Variants in RARB observed in about 807,000 individuals in gnomAD.
RARB encodes the protein HBV-activated protein.
A neutral mutation model predicts 51.9 loss-of-function variants in RARB; 17 were observed. The observed-to-expected ratio is 0.33, with a 90% CI of 0.22 to 0.49. RARB has a LOEUF of 0.49. RARB is among the 20% of genes least tolerant of loss of function. RARB has a pLI of 0.99. For missense variants in RARB, 369 were observed against 550.8 expected (o/e 0.67, Z 3.30); for synonymous variants, 215 against 195.4 (o/e 1.10, Z -0.84).
intron 3 of RARB, among the ~76,000 whole-genome samples, chr3:25,121,082 G>T (rs928274628): frequency 1.3e-5 from 2 of 152,162 alleles, no homozygotes; most frequent in African/African-American, 4.8e-5. Flanking sequence ...TCACATGCAT[G>T]TGTATAAAGT....
At chr3:25,237,098 G>A (rs911471445) in intron 5 of RARB, among the ~76,000 whole-genome samples, 1 of 150,442 alleles carries the variant, frequency 6.6e-6, no homozygotes, top group African/African-American at 2.5e-5. Context: ...ATTTAATAAA[G>A]GTCTCCTTTT....
intron 5 of RARB, among the ~76,000 whole-genome samples, chr3:25,386,884 T>G (rs752840456): frequency 2.6e-5 from 4 of 152,196 alleles, no homozygotes; most frequent in Non-Finnish European, 5.9e-5. Context: ...TGATTCTCAT[T>G]TACTTACCTA....
At chr3:25,372,768 G>A (rs1208345961) in intron 5 of RARB, among the ~76,000 whole-genome samples, 1 of 152,226 alleles carries the variant, frequency 6.6e-6, no homozygotes, top group Non-Finnish European at 1.5e-5. Flanking sequence ...TGAGGTTGCA[G>A]TGAGCTGTGA....
intron 5 of RARB, among the ~76,000 whole-genome samples, chr3:25,338,585 C>G (rs986296834): frequency 6.6e-6 from 1 of 152,184 alleles, no homozygotes; most frequent in African/African-American, 2.4e-5. Context: ...AGGAACCTCC[C>G]TTTTAACCAT....
At chr3:25,271,502 C>A (rs758775396) in intron 5 of RARB, among the ~76,000 whole-genome samples, 1 of 152,142 alleles carries the variant, frequency 6.6e-6, no homozygotes, top group Non-Finnish European at 1.5e-5. Flanking sequence ...GTGCTTTCTG[C>A]GTTTCTGGGA....
At chr3:25,573,877 G>T (rs1700812086) in intron 4 of RARB, among the ~76,000 whole-genome samples, 1 of 152,120 alleles carries the variant, frequency 6.6e-6, no homozygotes, top group East Asian at 1.9e-4. Flanking sequence ...GGGTGGATTT[G>T]GGACAAATGG....
At chr3:24,869,324 G>C (rs1341415017) in intron 2 of RARB, among the ~76,000 whole-genome samples, 1 of 152,090 alleles carries the variant, frequency 6.6e-6, no homozygotes, top group Non-Finnish European at 1.5e-5. Context: ...TTTAAAGGAA[G>C]TACAATCAGC....
chr3:25,594,117 T>G (rs1701720917), intron 6 of RARB, among the ~76,000 whole-genome samples: 1 of 152,188 alleles, frequency 6.6e-6, no homozygotes, highest in Non-Finnish European at 1.5e-5. Flanking sequence ...AATTTAGCTT[T>G]CTTCTTTGTA....
At chr3:25,362,061 C>G (rs1366376211) in intron 5 of RARB, among the ~76,000 whole-genome samples, 1 of 152,178 alleles carries the variant, frequency 6.6e-6, no homozygotes, top group African/African-American at 2.4e-5. Flanking sequence ...ATGTTTAAGT[C>G]TGCTGAAGCT....
chr3:24,977,566 T>A (rs1388420572), intron 2 of RARB, among the ~76,000 whole-genome samples: 1 of 152,246 alleles, frequency 6.6e-6, no homozygotes, highest in Non-Finnish European at 1.5e-5. Flanking sequence ...TCTGTTGGTC[T>A]GTTATTGGTG....
intron 3 of RARB, among the ~76,000 whole-genome samples, chr3:25,065,447 T>A (rs1698642462): frequency 6.6e-6 from 1 of 152,218 alleles, no homozygotes; most frequent in Non-Finnish European, 1.5e-5. Flanking sequence ...CTTTGAAGTC[T>A]ACAAGCAGCA....
At chr3:25,385,418 A>G (rs1469172104) in intron 5 of RARB, among the ~76,000 whole-genome samples, 2 of 152,138 alleles carry the variant, frequency 1.3e-5, no homozygotes, top group African/African-American at 2.4e-5. Context: ...GTGATTACTC[A>G]TTTATTAAAT....
At chr3:25,414,006 T>TCCACCA (rs1003577404) in intron 5 of RARB, among the ~76,000 whole-genome samples, 4 of 152,170 alleles carry the variant, frequency 2.6e-5, no homozygotes, top group African/African-American at 9.7e-5. Context: ...TATAAACATT[T>TCCACCA]CCACCACCAC....
intron 2 of RARB, among the ~76,000 whole-genome samples, chr3:24,986,125 TG>T (rs1559423274): frequency 5.9e-5 from 9 of 152,240 alleles, no homozygotes; most frequent in Non-Finnish European, 1.3e-4. Flanking sequence ...TGTTTGATTC[TG>T]AACACTGTGC....
chr3:25,236,862 AT>A (rs1386001948), intron 5 of RARB, among the ~76,000 whole-genome samples: 1 of 151,094 alleles, frequency 6.6e-6, no homozygotes, highest in South Asian at 2.1e-4. Context: ...ATCTCGCATC[AT>A]TTTTTTATGG....
At chr3:25,104,411 C>T (rs567761910) in intron 3 of RARB, among the ~76,000 whole-genome samples, 4 of 152,144 alleles carry the variant, frequency 2.6e-5, no homozygotes, top group South Asian at 2.1e-4. Context: ...GGAGGGAGAG[C>T]GGTGCAGATT....
At chr3:25,475,419 C>CA (rs1333010057) in intron 2 of RARB, among the ~76,000 whole-genome samples, 3 of 151,604 alleles carry the variant, frequency 2.0e-5, no homozygotes, top group African/African-American at 7.3e-5. Flanking sequence ...GGATCCCCTG[C>CA]AAAAAATCAC....
chr3:25,373,233 C>T (rs78627339), intron 5 of RARB, among the ~76,000 whole-genome samples: 5,580 of 152,084 alleles, frequency 0.037, 140 homozygotes, highest in Middle Eastern at 0.072. Context: ...TATTTAAAGC[C>T]ATCATCAAGA....
chr3:24,858,732 C>T (rs897357303), exon 2 of RARB: 2 of 152,114 alleles, frequency 1.3e-5, no homozygotes, highest in African/African-American at 4.8e-5. Context: ...GAGGACTGTT[C>T]TCACAATCTT....
Sources: allele counts gnomAD v4.1 joint callset (sites outside exome capture counted in the v4.1 genomes callset), GRCh38; gene constraint gnomAD v4.1.1; transcripts MANE v1.5; gene names NCBI Gene and HGNC (gene_info 2026-07-23, HGNC 2026-07-21).